TAFA2: variants seen among roughly 807,000 people sequenced by gnomAD.
TAFA2 encodes the protein TAFA chemokine like family member 2, also known as chemokine-like protein TAFA-2.
A neutral mutation model predicts 18.8 loss-of-function variants in TAFA2; 7 were observed. The ratio of observed to expected loss-of-function variants is 0.37; its 90% CI spans 0.21 to 0.70. The LOEUF is 0.70. Among genes scored for constraint, TAFA2 ranks in the 30% least tolerant of loss-of-function variants. The pLI is 0.53. For synonymous variants in TAFA2, 60 were observed against 54.2 expected (o/e 1.11, Z -0.47); for missense variants, 122 against 158.1 (o/e 0.77, Z 1.23).
intron 1 of TAFA2, among the ~76,000 whole-genome samples, chr12:61,895,943 A>G (rs1034843630): frequency 6.6e-6 from 1 of 152,040 alleles, no homozygotes; most frequent in African/African-American, 2.4e-5. Flanking sequence ...AGAAGTTAGC[A>G]CCCCCAAAAA....
At chr12:61,897,472 G>C (rs957122441) in intron 1 of TAFA2, among the ~76,000 whole-genome samples, 1 of 152,136 alleles carries the variant, frequency 6.6e-6, no homozygotes, top group Non-Finnish European at 1.5e-5. Context: ...AGCATGGCTT[G>C]GGAAGCCTCA....
At chr12:61,973,903 C>G (rs1485414332) in intron 1 of TAFA2, among the ~76,000 whole-genome samples, 4 of 151,496 alleles carry the variant, frequency 2.6e-5, no homozygotes, top group Non-Finnish European at 5.9e-5. Context: ...GTGCTTTAAG[C>G]CAGAGAATGG....
chr12:61,848,868 G>A (rs547177974), intron 2 of TAFA2, among the ~76,000 whole-genome samples: 384 of 149,244 alleles, frequency 2.6e-3, no homozygotes, highest in African/African-American at 9.1e-3. Flanking sequence ...TTTTAATGGA[G>A]TCTTGCTCTG....
chr12:61,774,306 T>C (rs961422614), intron 2 of TAFA2, among the ~76,000 whole-genome samples: 2 of 151,868 alleles, frequency 1.3e-5, no homozygotes, highest in Non-Finnish European at 2.9e-5. Flanking sequence ...TACCATTTGA[T>C]CTAGCAATCT....
At chr12:61,758,601 C>G (rs1371181801) in intron 2 of TAFA2, among the ~76,000 whole-genome samples, 1 of 151,522 alleles carries the variant, frequency 6.6e-6, no homozygotes, top group Admixed American at 6.6e-5. Context: ...AATATGGCAG[C>G]CCTTGGAGAA....
In TAFA2 at chr12:61,757,401, A is replaced by G. The variant is rs1869322523; in HGVS notation, c.107-2377T>C. 2.0e-5 allele frequency among the ~76,000 whole-genome samples: 3 copies of G among 152,084 alleles called. No homozygotes were observed. The South Asian group carries it at 6.2e-4, about 31-fold the overall frequency. On this transcript the variant is annotated intron_variant, in intron 2 of 4. Coordinates refer to ENST00000416284, the MANE Select transcript of TAFA2 (RefSeq NM_178539.5). ...AAGGCCTAGGAAAGAGGAATTTGTC[A>G]GAAGATGGATGAGGTTAGTATATCT...
intron 1 of TAFA2, among the ~76,000 whole-genome samples, chr12:62,048,960 A>C (rs980377044): frequency 8.5e-5 from 13 of 152,382 alleles, no homozygotes; most frequent in Admixed American, 3.9e-4. Context: ...ACTAAGAGGC[A>C]GACTACCCAT....
intron 1 of TAFA2, among the ~76,000 whole-genome samples, chr12:62,146,625 G>A (rs2062283555): frequency 6.6e-6 from 1 of 152,064 alleles, no homozygotes; most frequent in Non-Finnish European, 1.5e-5. Context: ...TTAAGAATGG[G>A]AGGTACTTAA....
intron 1 of TAFA2, among the ~76,000 whole-genome samples, chr12:62,219,864 A>G (rs1391632247): frequency 6.6e-6 from 1 of 152,224 alleles, no homozygotes; most frequent in Non-Finnish European, 1.5e-5. Flanking sequence ...ATTCTTTTGC[A>G]GAAAATACTC....
intron 1 of TAFA2, among the ~76,000 whole-genome samples, chr12:62,100,943 AG>A (rs1452627522): frequency 6.6e-6 from 1 of 152,186 alleles, no homozygotes; most frequent in African/African-American, 2.4e-5. Context: ...TCAGGAAAAA[AG>A]GTCTTAATCA....
chr12:61,746,118 G>T (rs1868694755), intron 4 of TAFA2, among the ~76,000 whole-genome samples: 1 of 151,992 alleles, frequency 6.6e-6, no homozygotes, highest in Admixed American at 6.6e-5. Context: ...TGTCAAGGGT[G>T]AGGCCAGGTA....
At chr12:62,091,210 A>AT (rs1354707118) in intron 1 of TAFA2, among the ~76,000 whole-genome samples, 1 of 151,634 alleles carries the variant, frequency 6.6e-6, no homozygotes, top group Non-Finnish European at 1.5e-5. Context: ...TCCACAGTGA[A>AT]TTTTTTCTTT....
chr12:61,980,241 CA>C (rs1374039513), intron 1 of TAFA2, among the ~76,000 whole-genome samples: 1 of 152,004 alleles, frequency 6.6e-6, no homozygotes, highest in African/African-American at 2.4e-5. Flanking sequence ...AGTCCCTCGA[CA>C]AAATTCAACA....
At chr12:61,756,782 C>T (rs573677271) in intron 2 of TAFA2, among the ~76,000 whole-genome samples, 1 of 152,142 alleles carries the variant, frequency 6.6e-6, no homozygotes, top group East Asian at 1.9e-4. Context: ...AAACATCTCT[C>T]TTTGAGGAGA....
chr12:61,977,933 G>A (rs1005846939), intron 1 of TAFA2, among the ~76,000 whole-genome samples: 1 of 151,850 alleles, frequency 6.6e-6, no homozygotes, highest in Non-Finnish European at 1.5e-5. Context: ...AAAGGAAATC[G>A]TTCCACTGAT....
At chr12:61,964,313 C>G (rs1478342223) in intron 1 of TAFA2, among the ~76,000 whole-genome samples, 2 of 151,862 alleles carry the variant, frequency 1.3e-5, no homozygotes, top group Non-Finnish European at 2.9e-5. Context: ...AATTACATCA[C>G]TCCTTCCTCA....
At chr12:62,230,360 C>T (rs2062807086) in intron 1 of TAFA2, among the ~76,000 whole-genome samples, 1 of 151,830 alleles carries the variant, frequency 6.6e-6, no homozygotes, top group Non-Finnish European at 1.5e-5. Flanking sequence ...TACAAACTTC[C>T]CTCTTAGTAC....
intron 2 of TAFA2, among the ~76,000 whole-genome samples, chr12:61,772,705 T>A (rs1870087592): frequency 1.3e-5 from 2 of 151,936 alleles, no homozygotes; most frequent in South Asian, 4.1e-4. Context: ...AGGAGGGACA[T>A]ATATTAAGGT....
intron 1 of TAFA2, among the ~76,000 whole-genome samples, chr12:62,079,829 A>G (rs1234379135): frequency 6.6e-6 from 1 of 152,214 alleles, no homozygotes; most frequent in African/African-American, 2.4e-5. Context: ...GCAGCACACT[A>G]ACAGCAAAGT....
Sources: gnomAD v4.1 joint callset for allele counts (sites outside exome capture counted in the v4.1 genomes callset) on GRCh38, gnomAD v4.1.1 for gene constraint, MANE v1.5 for transcripts, NCBI Gene and HGNC (gene_info 2026-07-23, HGNC 2026-07-21) for gene names.